Variants in SLC22A23 observed in about 807,000 individuals in gnomAD.
The protein encoded by SLC22A23 is ion transporter protein.
Under a neutral mutation model 61.0 loss-of-function variants are expected in SLC22A23, and 26 were observed. The observed-to-expected ratio is 0.43, with a 90% CI of 0.31 to 0.59. SLC22A23 has a LOEUF of 0.59. Ranked by LOEUF, SLC22A23 falls within the 20% of genes least tolerant of loss-of-function variation. SLC22A23 has a pLI of 0.11. For missense variants in SLC22A23, 796 were observed against 934.7 expected, an observed-to-expected ratio of 0.85 and a Z score of 1.94; for synonymous variants, 430 against 413.9, an observed-to-expected ratio of 1.04 and a Z score of -0.47.
rs148573369 is a variant in SLC22A23, at chr6:3,285,083, G to A, written c.1575C>T (p.Asp525=). The A allele has an allele frequency of 3.7e-6, 6 of 1,613,166 alleles. No homozygotes were observed. In the African/African-American group the frequency reaches 6.7e-5, roughly 18 times the overall value. The change falls in exon 8 of 10, where the codon GAC becomes GAT. Residue 525 remains aspartate, a synonymous_variant. Coordinates refer to ENST00000406686, the MANE Select transcript of SLC22A23 (RefSeq NM_015482.2). ...GCCCACGCGCTTGGGACTCACCTGA[G>A]TCTGGGTGCTGGCTGTACTTTCCAA... is the stretch of plus-strand genomic sequence containing the variant. ...NLIGKYSQHP[D]SGMSDSVKDK...
intron 3 of SLC22A23, among the ~76,000 whole-genome samples, chr6:3,346,093 C>G (rs539240197): frequency 1.3e-5 from 2 of 152,296 alleles, no homozygotes; most frequent in South Asian, 2.1e-4. Flanking sequence ...AGTGATTCAG[C>G]CTGGTGCCAG....
chr6:3,417,409 G>A (rs6923735), intron 1 of SLC22A23, among the ~76,000 whole-genome samples: 55,138 of 152,030 alleles, frequency 0.36, 10,195 homozygotes, highest in East Asian at 0.47. Flanking sequence ...AATAAAAGAC[G>A]GCTTGGAATT....
At chr6:3,445,474 A>G (rs1771847762) in intron 1 of SLC22A23, among the ~76,000 whole-genome samples, 1 of 152,244 alleles carries the variant, frequency 6.6e-6, no homozygotes, top group African/African-American at 2.4e-5. Context: ...TGCTGGGATT[A>G]CAGGCATGAG....
In SLC22A23 at chr6:3,342,129, G is replaced by C. The variant is rs1764188597; in HGVS notation, c.914-18127C>G. 6.6e-6 allele frequency among the ~76,000 whole-genome samples: 1 copy of C among 152,026 alleles called. No individual in the cohort carries two copies. Among genetic ancestry groups the C allele is most frequent in the South Asian group, 2.1e-4 (1 of 4,810 alleles). On this transcript the variant is annotated intron_variant, in intron 3 of 9. Transcript: ENST00000406686. This position sits in a 1 kb window ranked among gnomAD's most constrained non-coding sequence, Gnocchi z 4.0. ...CCTAAACTAGCATTTTGTTCCTCTA[G>C]GTACATACTATGGGTTTAAATTTTA... is the stretch of plus-strand genomic sequence containing the variant.
chr6:3,411,157 T>C (rs1769212441), intron 2 of SLC22A23, among the ~76,000 whole-genome samples: 3 of 152,182 alleles, frequency 2.0e-5, no homozygotes, highest in Admixed American at 1.3e-4. Context: ...AGTCACCAGT[T>C]CCTGTGGCCC....
At chr6:3,275,482 T>G (rs560103047) in intron 9 of SLC22A23, among the ~76,000 whole-genome samples, 1 of 152,278 alleles carries the variant, frequency 6.6e-6, no homozygotes, top group East Asian at 1.9e-4. Context: ...TCATTAGGAT[T>G]AAAAACTCCT....
At position 3,330,570 on chromosome 6, in the gene SLC22A23, G is replaced by A. The variant is rs549589324; in HGVS notation, c.914-6568C>T. ...CTCAATAATTACTGCCACAGGCAAG[G>A]ACGCATGGCCCCCAGAATCCTGGAA... On this transcript the variant is annotated intron_variant, in intron 3 of 9. Coordinates refer to ENST00000406686, the MANE Select transcript of SLC22A23 (RefSeq NM_015482.2). The surrounding 1 kb of genome is among the most constrained non-coding windows in gnomAD (Gnocchi z 4.7). Among the ~76,000 whole-genome samples, 74 of 152,354 alleles carry A rather than the reference G, an allele frequency of 4.9e-4. No homozygotes were observed. Among genetic ancestry groups the A allele is most frequent in the African/African-American group, 1.8e-3 (73 of 41,580 alleles).
At chr6:3,274,683 C>G (rs532751567) in intron 9 of SLC22A23, among the ~76,000 whole-genome samples, 1 of 152,138 alleles carries the variant, frequency 6.6e-6, no homozygotes. Context: ...GATCAACATA[C>G]AAAAGTCAAT....
intron 3 of SLC22A23, among the ~76,000 whole-genome samples, chr6:3,382,248 A>G (rs1230919901): frequency 6.6e-6 from 1 of 152,234 alleles, no homozygotes; most frequent in Non-Finnish European, 1.5e-5. Flanking sequence ...GAATCAGGGA[A>G]GAAAGTGTCA....
In SLC22A23 at chr6:3,430,870, C is replaced by T. The variant is rs560506145; in HGVS notation, c.655-15015G>A. 7.9e-5 allele frequency among the ~76,000 whole-genome samples: 12 copies of T among 152,158 alleles called. No individual in the cohort carries two copies. The East Asian group carries it at 2.3e-3, about 29-fold the overall frequency. Reference sequence around the variant, plus strand: ...TCACCTAAGGTGGGAAGTTTGAGACCAGCCTGACCAACATGGAGAAACCCC... The same window carrying T: ...TCACCTAAGGTGGGAAGTTTGAGACTAGCCTGACCAACATGGAGAAACCCC... On this transcript the variant is annotated intron_variant, in intron 1 of 9. Transcript: ENST00000406686.
intron 4 of SLC22A23, among the ~76,000 whole-genome samples, chr6:3,311,505 G>A (rs1253390989): frequency 3.3e-5 from 5 of 152,166 alleles, no homozygotes; most frequent in Non-Finnish European, 7.4e-5. Flanking sequence ...CTTGGATTCT[G>A]TACATAATCT....
chr6:3,362,757 TC>T (rs1399547166), intron 3 of SLC22A23, among the ~76,000 whole-genome samples: 1 of 151,974 alleles, frequency 6.6e-6, no homozygotes, highest in African/African-American at 2.4e-5. Flanking sequence ...AGGCTGCAGG[TC>T]CCAGAAGCAG....
chr6:3,348,564 A>G (rs1335430080), intron 3 of SLC22A23, among the ~76,000 whole-genome samples: 1 of 152,130 alleles, frequency 6.6e-6, no homozygotes, highest in East Asian at 1.9e-4. Flanking sequence ...AATGCAGCCC[A>G]CCATTCGGCA....
At position 3,360,923 on chromosome 6, in the gene SLC22A23, C is replaced by T. The variant is rs570367164; in HGVS notation, c.914-36921G>A. Among the ~76,000 whole-genome samples the T allele has an allele frequency of 3.3e-5, 5 of 152,312 alleles. No individual in the cohort carries two copies. The highest frequency in any genetic ancestry group is 4.1e-4 in the South Asian group (2 of 4,830). On this transcript the variant is annotated intron_variant, in intron 3 of 9. Transcript: ENST00000406686. The surrounding 1 kb of genome is among the most constrained non-coding windows in gnomAD (Gnocchi z 4.6). ...GTGCAGCAGGAACAGAAGGTCAGAG[C>T]GTGGTACTGGGGTGACGAGAGGCGC...
chr6:3,278,139 G>T (rs993236489), intron 9 of SLC22A23, among the ~76,000 whole-genome samples: 1 of 152,246 alleles, frequency 6.6e-6, no homozygotes, highest in Non-Finnish European at 1.5e-5. Flanking sequence ...GATAGTAGAT[G>T]CATGCTACTT....
Position 3,322,779 on chromosome 6 carries a change from A to G in SLC22A23, c.1082+1055T>C, listed in dbSNP as rs1444733570. 6.6e-6 allele frequency among the ~76,000 whole-genome samples: 1 copy of G among 152,156 alleles called. No individual in the cohort carries two copies. The highest frequency in any genetic ancestry group is 2.4e-5 in the African/African-American group (1 of 41,440). ...TCCCTCCCGGGCACCTGAGCAAAGG[A>G]AGCTCAGCTCCAGTGAACCCTTAAA... On this transcript the variant is annotated intron_variant, in intron 4 of 9. Coordinates refer to ENST00000406686, the MANE Select transcript of SLC22A23 (RefSeq NM_015482.2). This position sits in a 1 kb window ranked among gnomAD's most constrained non-coding sequence, Gnocchi z 4.1.
chr6:3,362,261 G>A (rs1765504104), intron 3 of SLC22A23, among the ~76,000 whole-genome samples: 1 of 151,398 alleles, frequency 6.6e-6, no homozygotes, highest in Non-Finnish European at 1.5e-5. Context: ...AAAATTAGCT[G>A]GGCGTGGTAG....
Position 3,456,369 on chromosome 6 carries a change from G to C in SLC22A23, c.191C>G (p.Pro64Arg). 1 of 1,543,062 alleles carries C rather than the reference G, an allele frequency of 6.5e-7. No individual in the cohort carries two copies. Among genetic ancestry groups the C allele is most frequent in the East Asian group, 2.5e-5 (1 of 40,698 alleles). Reference protein sequence around the residue: ...PPLHPGGGPHPSCCSAAAAPS... With the variant: ...PPLHPGGGPHRSCCSAAAAPS... ...GGCCGCAGCCGCGGAGCAGCAGCTCGGGTGCGGGCCGCCTCCAGGATGCAG... is the reference window on the plus strand; with the variant it reads ...GGCCGCAGCCGCGGAGCAGCAGCTCCGGTGCGGGCCGCCTCCAGGATGCAG... Residue 64 changes from proline (P) to arginine (R), a missense_variant, in exon 1 of 10, where the codon CCG (proline) becomes CGG (arginine). Transcript: ENST00000406686. This position sits in a 1 kb window ranked among gnomAD's most constrained non-coding sequence, Gnocchi z 7.1.
At chr6:3,432,895 C>T (rs770873159) in intron 1 of SLC22A23, among the ~76,000 whole-genome samples, 4 of 152,196 alleles carry the variant, frequency 2.6e-5, no homozygotes, top group Non-Finnish European at 5.9e-5. Flanking sequence ...TCCCCAGTGG[C>T]CTCCGGAACC....
Sources: allele counts gnomAD v4.1 joint callset (sites outside exome capture counted in the v4.1 genomes callset), GRCh38; gene constraint gnomAD v4.1.1; non-coding constraint Gnocchi (gnomAD v3.1); transcripts MANE v1.5; gene names NCBI Gene and HGNC (gene_info 2026-07-23, HGNC 2026-07-21).